The following MAMDC2 variants were observed in gnomAD, a reference collection of about 807,000 sequenced individuals.
The protein encoded by MAMDC2 is MAM domain-containing protein 2.
A neutral mutation model predicts 89.8 loss-of-function variants in MAMDC2; 57 were observed. The ratio of observed to expected loss-of-function variants is 0.63; its 90% CI spans 0.51 to 0.79. The LOEUF is 0.79. Among genes scored for constraint, MAMDC2 ranks in the 30% least tolerant of loss-of-function variants. MAMDC2 has a pLI of 0.00. For missense variants in MAMDC2, 800 were observed against 820.6 expected (o/e 0.97, Z 0.31); for synonymous variants, 313 against 293.4 (o/e 1.07, Z -0.68).
chr9:70,208,627 C>A (rs12387014), intron 11 of MAMDC2, among the ~76,000 whole-genome samples: 1,991 of 152,282 alleles, frequency 0.013, 46 homozygotes, highest in African/African-American at 0.045. Flanking sequence ...CCCTTTATTT[C>A]TTTGTCTTAC....
chr9:70,077,155 C>G (rs186235746), intron 2 of MAMDC2, among the ~76,000 whole-genome samples: 47 of 152,244 alleles, frequency 3.1e-4, no homozygotes, highest in South Asian at 6.2e-4. Context: ...AGTAGTGGCT[C>G]CAGAATGTGG....
At chr9:70,081,926 A>C (rs943814884) in intron 2 of MAMDC2, 5 of 152,040 alleles carry the variant, frequency 3.3e-5, no homozygotes, top group Middle Eastern at 6.8e-3. Flanking sequence ...CAATCAAATC[A>C]CCTAATTCTT....
At chr9:70,080,335 G>A (rs1357722845) in intron 2 of MAMDC2, among the ~76,000 whole-genome samples, 1 of 152,116 alleles carries the variant, frequency 6.6e-6, no homozygotes, top group South Asian at 2.1e-4. Context: ...ACATGTATGT[G>A]TACATATATC....
chr9:70,147,010 C>T (rs528669535), intron 9 of MAMDC2, among the ~76,000 whole-genome samples: 1 of 149,684 alleles, frequency 6.7e-6, no homozygotes, highest in African/African-American at 2.5e-5. Flanking sequence ...AATCCTAGCA[C>T]TTCGGAAGGC....
At chr9:70,126,051 C>A in intron 5 of MAMDC2, 108 bp from the exon 6 acceptor site, 1 of 1,239,496 alleles carries the variant, frequency 8.1e-7, no homozygotes, top group Non-Finnish European at 1.1e-6. Context: ...TCCTCCTCAC[C>A]ATTCCCACTG....
At chr9:70,184,451 T>C (rs1307683869) in intron 11 of MAMDC2, among the ~76,000 whole-genome samples, 1 of 152,226 alleles carries the variant, frequency 6.6e-6, no homozygotes, top group African/African-American at 2.4e-5. Flanking sequence ...GGGGAAGTTC[T>C]CCTGGATAAT....
chr9:70,190,011 G>A (rs912031114), intron 11 of MAMDC2, among the ~76,000 whole-genome samples: 1 of 151,946 alleles, frequency 6.6e-6, no homozygotes, highest in Non-Finnish European at 1.5e-5. Context: ...ATTTAGAAAT[G>A]GCTTTCATTA....
At chr9:70,047,426 C>T (rs1214896105) in intron 2 of MAMDC2, among the ~76,000 whole-genome samples, 2 of 152,076 alleles carry the variant, frequency 1.3e-5, no homozygotes, top group Non-Finnish European at 1.5e-5. Flanking sequence ...TTGTTCAACT[C>T]CCACTTATGA....
rs763273823 is a variant in MAMDC2 at position 70,044,245 on chromosome 9, C to G, written c.34+14C>G. 3.1e-6 allele frequency: 5 copies of G among 1,611,684 alleles called. No individual in the cohort carries two copies. In the East Asian group the frequency reaches 1.1e-4, roughly 36 times the overall value. ...TGGCGTTGCAAGGTAAGGCCTGGAC[C>G]CCGGGACAACCCCGGGGGCGCTCTG... is the stretch of plus-strand genomic sequence containing the variant. On this transcript the variant is annotated intron_variant, in intron 1 of 13. Transcript: ENST00000377182.
chr9:70,064,209 G>A (rs1013542430), intron 2 of MAMDC2, among the ~76,000 whole-genome samples: 1 of 151,984 alleles, frequency 6.6e-6, no homozygotes, highest in African/African-American at 2.4e-5. Flanking sequence ...AACAGGTGGT[G>A]TTTGGTTACA....
At chr9:70,140,986 T>C (rs544725584) in intron 8 of MAMDC2, among the ~76,000 whole-genome samples, 2 of 152,274 alleles carry the variant, frequency 1.3e-5, no homozygotes, top group East Asian at 3.9e-4. Context: ...TGGAGACAAG[T>C]GTGAAGAGCT....
intron 5 of MAMDC2, among the ~76,000 whole-genome samples, chr9:70,116,276 G>A (rs901423657): frequency 3.3e-4 from 51 of 152,326 alleles, no homozygotes; most frequent in Middle Eastern, 3.4e-3. Context: ...CAGTGGACTA[G>A]TGTCAAATCA....
At chr9:70,200,000 T>C (rs1365786647) in intron 11 of MAMDC2, among the ~76,000 whole-genome samples, 1 of 152,168 alleles carries the variant, frequency 6.6e-6, no homozygotes, top group Non-Finnish European at 1.5e-5. Context: ...ATTTTGTAGG[T>C]TGCCTATTCA....
chr9:70,190,558 GTT>G lies in MAMDC2; in HGVS notation c.1651+19941_1651+19942del, dbSNP rs34267939. Among the ~76,000 whole-genome samples, 88 of 143,644 alleles carry G rather than the reference GTT, an allele frequency of 6.1e-4. 1 individual carries two copies. Among genetic ancestry groups the G allele is most frequent in the East Asian group, 3.5e-3 (17 of 4,886 alleles). The allele number at this position is 143,644 out of a possible 152,430, so 94.2% of individuals were successfully genotyped here. A position where few individuals can be genotyped will look rare whatever the true frequency, so the allele number is the denominator to read the frequency against. ...GAGGTGACAGATTAGGAGTTTCTCA[GTT>G]TTTTTTTTTTTTTCTGGGGATGTGT... On this transcript the variant is annotated intron_variant, in intron 11 of 13. Coordinates refer to ENST00000377182, the MANE Select transcript of MAMDC2 (RefSeq NM_153267.5).
chr9:70,076,345 G>C (rs1446582062), intron 2 of MAMDC2, among the ~76,000 whole-genome samples: 1 of 151,960 alleles, frequency 6.6e-6, no homozygotes, highest in Non-Finnish European at 1.5e-5. Flanking sequence ...TGCTGGAATA[G>C]GGGTGGCAGA....
chr9:70,044,369 C>A, intron 1 of MAMDC2, 138 bp downstream of exon 1: 3 of 1,007,416 alleles, frequency 3.0e-6, no homozygotes, highest in Middle Eastern at 2.4e-4. Flanking sequence ...CCGCTAACTC[C>A]CTCCCCTGGC....
chr9:70,149,407 G>A (rs1046058953), intron 9 of MAMDC2, among the ~76,000 whole-genome samples: 9 of 152,198 alleles, frequency 5.9e-5, no homozygotes, highest in Admixed American at 3.3e-4. Flanking sequence ...TCGGGCTGCA[G>A]TGCATTCTCA....
intron 9 of MAMDC2, among the ~76,000 whole-genome samples, chr9:70,159,314 T>C (rs1231621140): frequency 6.6e-6 from 1 of 152,164 alleles, no homozygotes; most frequent in East Asian, 1.9e-4. Flanking sequence ...TCCAGTAATA[T>C]TTATAATACT....
Position 70,108,431 on chromosome 9 carries a change from C to T in MAMDC2, c.369C>T (p.Asp123=). 6.2e-7 allele frequency: 1 copy of T among 1,612,582 alleles called. No individual in the cohort carries two copies. The highest frequency in any genetic ancestry group is 1.7e-4 in the Middle Eastern group (1 of 6,024). ...RLLWSAKEPS[D]SWLIASLDLQ... ...TTTGGTCAGCTAAGGAACCTTCAGA[C>T]AGCTGGCTCATAGCCAGCTTGGATT... Residue 123 remains aspartate, a synonymous_variant, in exon 3 of 14, where the codon GAC becomes GAT. Coordinates refer to ENST00000377182, the MANE Select transcript of MAMDC2 (RefSeq NM_153267.5).
Sources: gnomAD v4.1 joint callset for allele counts (sites outside exome capture counted in the v4.1 genomes callset) on GRCh38, gnomAD v4.1.1 for gene constraint, MANE v1.5 for transcripts, NCBI Gene and HGNC (gene_info 2026-07-23, HGNC 2026-07-21) for gene names.